PPP6R3: variants seen among roughly 807,000 people sequenced by gnomAD.
PPP6R3 encodes protein phosphatase 6 regulatory subunit 3.
In PPP6R3, 38 loss-of-function variants were observed where a neutral mutation model predicts 110.7. The observed-to-expected ratio is 0.34, with a 90% confidence interval of 0.26 to 0.45. The LOEUF is 0.45. PPP6R3 is among the 20% of genes least tolerant of loss of function. The pLI is 1.00. For missense variants in PPP6R3, 870 were observed against 1,062.4 expected, an observed-to-expected ratio of 0.82 and a Z score of 2.52; for synonymous variants, 369 against 373.5, an observed-to-expected ratio of 0.99 and a Z score of 0.14.
In PPP6R3 at chr11:68,613,738, A is replaced by G. The variant is rs560274784; in HGVS notation, c.*621A>G. The G allele has an allele frequency of 1.2e-4, 119 of 964,792 alleles. No homozygotes were observed. Among genetic ancestry groups the G allele is most frequent in the Non-Finnish European group, 1.4e-4 (113 of 821,628 alleles). 59.8% of individuals were successfully genotyped at this position (964,792 alleles called of 1,614,324 possible). A position where few individuals can be genotyped will look rare whatever the true frequency, so the allele number is the denominator to read the frequency against. ...TAAAACGGATCAAAAATGTAAGTCT[A>G]TTGGTAGAGATTAAGTAAAGTATTT... On this transcript the variant is annotated 3_prime_UTR_variant, in exon 24 of 24. Transcript: ENST00000393800.
At chr11:68,582,708 A>AC (rs1183680654) in intron 14 of PPP6R3, among the ~76,000 whole-genome samples, 5 of 152,198 alleles carry the variant, frequency 3.3e-5, no homozygotes, top group Admixed American at 6.5e-5. Context: ...CTGTGCCATT[A>AC]CCTCTGTCTT....
intron 1 of PPP6R3, among the ~76,000 whole-genome samples, chr11:68,502,846 A>G (rs1297967900): frequency 6.6e-6 from 1 of 152,200 alleles, no homozygotes; most frequent in South Asian, 2.1e-4. Flanking sequence ...AACCAAAGGG[A>G]AATGTCTACT....
chr11:68,487,206 A>G (rs1565352359), intron 1 of PPP6R3, among the ~76,000 whole-genome samples: 6 of 152,174 alleles, frequency 3.9e-5, no homozygotes, highest in Admixed American at 3.9e-4. Flanking sequence ...ACTCAATGCT[A>G]TAAATTTCCT....
At chr11:68,608,151 G>T (rs1030768031) in intron 22 of PPP6R3, among the ~76,000 whole-genome samples, 1 of 151,948 alleles carries the variant, frequency 6.6e-6, no homozygotes, top group Non-Finnish European at 1.5e-5. Flanking sequence ...TTAAGAGGCT[G>T]ATGGCAAACT....
chr11:68,604,922 C>T (rs1166310123), intron 22 of PPP6R3, among the ~76,000 whole-genome samples: 1 of 151,992 alleles, frequency 6.6e-6, no homozygotes, highest in Non-Finnish European at 1.5e-5. Flanking sequence ...ATCAAAATCC[C>T]AATAGAGATT....
chr11:68,611,850 C>A (rs1235254344), intron 23 of PPP6R3, among the ~76,000 whole-genome samples: 1 of 152,188 alleles, frequency 6.6e-6, no homozygotes, highest in African/African-American at 2.4e-5. Flanking sequence ...ACCCGTCTTT[C>A]CTGTGTGGTT....
chr11:68,558,526 A>G, intron 7 of PPP6R3, 40 bp from the exon 8 acceptor site: 1 of 1,321,028 alleles, frequency 7.6e-7, no homozygotes, highest in Admixed American at 1.8e-5. Flanking sequence ...GTTGGTGATA[A>G]GTGATACTGC....
chr11:68,461,841 G>T (rs2098710168), intron 1 of PPP6R3, among the ~76,000 whole-genome samples: 1 of 152,076 alleles, frequency 6.6e-6, no homozygotes, highest in African/African-American at 2.4e-5. Flanking sequence ...CTTTGATTTT[G>T]TCCTCAAGGT....
chr11:68,546,045 C>T (rs1406526358), intron 4 of PPP6R3, among the ~76,000 whole-genome samples: 1 of 152,170 alleles, frequency 6.6e-6, no homozygotes, highest in African/African-American at 2.4e-5. Flanking sequence ...CTATTTTGGG[C>T]CCAGTGTGTC....
chr11:68,574,071 A>G (rs372378075), intron 12 of PPP6R3, 38 bp from the exon 13 acceptor site: 2 of 1,437,260 alleles, frequency 1.4e-6, no homozygotes, highest in South Asian at 1.1e-5. Context: ...ACTTCATCCT[A>G]TCAGGAATCT....
At chr11:68,540,345 C>CA (rs2099307181) in intron 3 of PPP6R3, among the ~76,000 whole-genome samples, 1 of 151,344 alleles carries the variant, frequency 6.6e-6, no homozygotes, top group Admixed American at 6.6e-5. Context: ...TGATGCCCCA[C>CA]AAGCCACAAA....
At chr11:68,555,508 A>G (rs1001316090) in intron 7 of PPP6R3, among the ~76,000 whole-genome samples, 1 of 152,200 alleles carries the variant, frequency 6.6e-6, no homozygotes, top group African/African-American at 2.4e-5. Flanking sequence ...TGGGTGCTTG[A>G]TAGCCACATG....
intron 1 of PPP6R3, among the ~76,000 whole-genome samples, chr11:68,487,972 A>C (rs1452320984): frequency 1.3e-5 from 2 of 152,204 alleles, no homozygotes; most frequent in Non-Finnish European, 2.9e-5. Flanking sequence ...GAAGTTTCCA[A>C]CTATAATAGT....
chr11:68,491,584 A>C (rs1438366847), intron 1 of PPP6R3, among the ~76,000 whole-genome samples: 1 of 151,960 alleles, frequency 6.6e-6, no homozygotes. Flanking sequence ...TTCTGGGCTC[A>C]AGCAGTCCTC....
Position 68,574,118 on chromosome 11 carries a change from A to T in PPP6R3, c.1353A>T (p.Gly451=). The T allele has an allele frequency of 5.6e-6, 9 of 1,613,284 alleles. No homozygotes were observed. The highest frequency in any genetic ancestry group is 7.6e-6 in the Non-Finnish European group (9 of 1,179,268). Residue 451 remains glycine, a synonymous_variant, in exon 13 of 24, where the codon GGA becomes GGT. Transcript: ENST00000393800. ...WEMNEKKQAE[G]GRRHGYMGHL... is the part of the protein sequence containing the mutation. ...CTTTACCTCTTGTCAGGGCTGAGGG[A>T]GGAAGACGGCATGGTTACATGGGAC... is the stretch of plus-strand genomic sequence containing the variant.
chr11:68,609,456 C>G (rs1196278010), intron 22 of PPP6R3: 4 of 868,464 alleles, frequency 4.6e-6, no homozygotes, highest in Non-Finnish European at 7.6e-6. Flanking sequence ...TAACTAAAGA[C>G]TCATTCCTTC....
chr11:68,467,445 T>G (rs2098756420), intron 1 of PPP6R3, among the ~76,000 whole-genome samples: 1 of 152,218 alleles, frequency 6.6e-6, no homozygotes, highest in Non-Finnish European at 1.5e-5. Flanking sequence ...CAGACTGATG[T>G]TGAGTCAGAC....
chr11:68,495,375 G>A (rs901201457), intron 1 of PPP6R3, among the ~76,000 whole-genome samples: 3 of 152,132 alleles, frequency 2.0e-5, no homozygotes, highest in South Asian at 2.1e-4. Context: ...CCCACTTAAC[G>A]CATACAAGTT....
chr11:68,554,987 C>T (rs1176167028), intron 7 of PPP6R3, among the ~76,000 whole-genome samples: 1 of 152,114 alleles, frequency 6.6e-6, no homozygotes, highest in Non-Finnish European at 1.5e-5. Context: ...GCATCTTTGG[C>T]TTAACTACCT....
Sources: gnomAD v4.1 joint callset for allele counts (sites outside exome capture counted in the v4.1 genomes callset) on GRCh38, gnomAD v4.1.1 for gene constraint, MANE v1.5 for transcripts, NCBI Gene and HGNC (gene_info 2026-07-23, HGNC 2026-07-21) for gene names.